Variants in RPL3 observed in about 807,000 individuals in gnomAD.
The protein encoded by RPL3 is ribosomal protein L3, also known as large ribosomal subunit protein uL3.
In RPL3, 3 loss-of-function variants were observed where a neutral mutation model predicts 46.0. The ratio of observed to expected loss-of-function variants is 0.07; its 90% CI spans 0.03 to 0.17. RPL3 has a LOEUF of 0.17. Ranked by LOEUF, RPL3 falls within the 10% of genes least tolerant of loss-of-function variation. The pLI, the probability that RPL3 is intolerant of heterozygous loss-of-function variation, is 1.00. For missense variants in RPL3, 387 were observed against 532.7 expected (o/e 0.73, Z 2.69); for synonymous variants, 224 against 190.8 (o/e 1.17, Z -1.43).
chr22:39,318,364 T>G (rs750686315), intron 2 of RPL3, 36 bp downstream of exon 2: 123 of 1,597,594 alleles, frequency 7.7e-5, no homozygotes, highest in Non-Finnish European at 1.0e-4. Context: ...CCCCCTCCAC[T>G]CCTATTCCCC....
intron 1 of RPL3, chr22:39,318,938 G>C (rs1387502548): frequency 2.0e-6 from 1 of 505,922 alleles, no homozygotes; most frequent in Non-Finnish European, 4.1e-6. Flanking sequence ...CTAAAGAAAG[G>C]GACTCCCGGG....
At chr22:39,314,633 CCCCAT>C in intron 6 of RPL3, 48 bp downstream of exon 6, 7 of 1,561,474 alleles carry the variant, frequency 4.5e-6, no homozygotes, top group Non-Finnish European at 6.1e-6. Flanking sequence ...AAACCCCACT[CCCCAT>C]CACGGGGGCC....
chr22:39,317,214 ACTC>A (rs1922758655), intron 3 of RPL3: 1 of 571,980 alleles, frequency 1.7e-6, no homozygotes. Flanking sequence ...TTCTAGTTGG[ACTC>A]CTCAACCAAC....
chr22:39,318,485 C>T lies in RPL3; in HGVS notation c.111G>A (p.Pro37=), dbSNP rs6509. The part of the protein sequence containing the change: ...GKVKSFPKDD[P]SKPVHLTAFL... ...AGGCTGTGAGGTGGACCGGCTTGGA[C>T]GGGTCATCCTTAGGGAAGCTCTTCA... The change falls in exon 2 of 10, where the codon CCG becomes CCA. Residue 37 remains proline, a synonymous_variant. Transcript: ENST00000216146. 736,918 of 1,613,294 alleles carry T rather than the reference C, an allele frequency of 0.46. 176,320 individuals carry two copies. Among genetic ancestry groups the T allele is most frequent in the Non-Finnish European group, 0.49 (583,592 of 1,179,684 alleles).
At position 39,318,439 on chromosome 22, in the gene RPL3, T is replaced by C. The variant is rs758711018; in HGVS notation, c.157A>G (p.Met53Val). ...LTAFLGYKAGMTHIVREVDRP... is the reference protein window; with the variant it reads ...LTAFLGYKAGVTHIVREVDRP... ...TCGACTTCCCGCACGATGTGAGTCA[T>C]GCCAGCCTTGTATCCCAGGAAGGCT... Residue 53 changes from methionine to valine, a missense_variant, in exon 2 of 10, where the codon ATG (methionine) becomes GTG (valine). Transcript: ENST00000216146. 3 of 1,614,086 alleles carry C rather than the reference T, an allele frequency of 1.9e-6. No individual in the cohort carries two copies. Among genetic ancestry groups the C allele is most frequent in the African/African-American group, 1.3e-5 (1 of 75,038 alleles).
At position 39,313,023 on chromosome 22, in the gene RPL3, C is replaced by G. The variant is rs920093399; in HGVS notation, c.1168-39G>C. The G allele has an allele frequency of 5.6e-6, 9 of 1,613,510 alleles. No individual in the cohort carries two copies. The African/African-American group carries it at 8.0e-5, about 14-fold the overall frequency. ...GGCAGTGGTCAGAGGTAGAAGATGACAGGTGACAGCAGATGCCCACTCTAG... is the reference window on the plus strand; with the variant it reads ...GGCAGTGGTCAGAGGTAGAAGATGAGAGGTGACAGCAGATGCCCACTCTAG... On this transcript the variant is annotated intron_variant, in intron 9 of 9. Transcript: ENST00000216146.
chr22:39,314,163 T>C lies in RPL3; in HGVS notation c.895A>G (p.Ile299Val). 6.2e-7 allele frequency: 1 copy of C among 1,613,668 alleles called. No homozygotes were observed. Among genetic ancestry groups the C allele is most frequent in the Non-Finnish European group, 8.5e-7 (1 of 1,180,028 alleles). ...TAGTCAGTGGAGGCATTGTTCTTGA[T>C]CAGCTTGCCGTCCTTGATAAGGTAG... ...QGYLIKDGKLIKNNASTDYDL... is the reference protein window; with the variant it reads ...QGYLIKDGKLVKNNASTDYDL... The change falls in exon 7 of 10, where the codon ATC becomes GTC. Residue 299 changes from isoleucine to valine, a missense_variant. Physicochemically the swap from Ile to Val is conservative, Grantham distance 29 (BLOSUM62 3). Transcript: ENST00000216146.
At chr22:39,313,118 C>G in intron 9 of RPL3, 73 bp downstream of exon 9, 1 of 1,597,780 alleles carries the variant, frequency 6.3e-7, no homozygotes, top group Non-Finnish European at 8.5e-7. Flanking sequence ...CCACCCCTAC[C>G]CCGGCTGGAG....
chr22:39,317,960 A>G (rs1922808007), intron 2 of RPL3: 1 of 372,080 alleles, frequency 2.7e-6, no homozygotes, highest in Non-Finnish European at 5.0e-6. Context: ...AGTCAGTATC[A>G]ACTGCCTAAC....
intron 2 of RPL3, chr22:39,317,966 C>T (rs1569162028): frequency 8.2e-6 from 3 of 363,640 alleles, no homozygotes; most frequent in Non-Finnish European, 1.5e-5. Flanking sequence ...TATCAACTGC[C>T]TAACATTAAT....
chr22:39,314,024 T>G, intron 7 of RPL3, 83 bp downstream of exon 7: 2 of 1,176,180 alleles, frequency 1.7e-6, no homozygotes, highest in Non-Finnish European at 2.6e-6. Flanking sequence ...TTAACGATCC[T>G]GCTAGCAGCC....
rs1031043166 is a variant in RPL3, at chr22:39,316,649, C to A, written c.501+57G>T. 12 of 1,609,080 alleles carry A rather than the reference C, an allele frequency of 7.5e-6. No individual in the cohort carries two copies. The African/African-American group carries it at 1.3e-4, about 18-fold the overall frequency. On this transcript the variant is annotated intron_variant, in intron 4 of 9. Coordinates refer to ENST00000216146, the MANE Select transcript of RPL3 (RefSeq NM_000967.4). ...CGTGCGGGCACGGGACCCCCATGAT[C>A]ACATAGGTCACTTCTACTAAGTGGC... is the stretch of plus-strand genomic sequence containing the variant.
chr22:39,317,171 T>C (rs987818236), intron 3 of RPL3: 3 of 567,410 alleles, frequency 5.3e-6, no homozygotes, highest in Non-Finnish European at 9.5e-6. Context: ...GCCACCCCTA[T>C]AGGGGTTTAA....
chr22:39,314,371 C>CT (rs1922548659), intron 6 of RPL3, 163 bp from the exon 7 acceptor site: 1 of 678,468 alleles, frequency 1.5e-6, no homozygotes, highest in African/African-American at 1.8e-5. Flanking sequence ...CTCCAGGTTC[C>CT]TTTCTGTAAG....
In RPL3 at chr22:39,316,855, G is replaced by A; in HGVS notation, c.366-14C>T. The stretch of plus-strand genomic sequence containing the variant: ...TTAGATTTATGCCTTCAGGAGCAGA[G>A]CAGAGTTGGGGAGGGGACCAGGTGC... On this transcript the variant is annotated splice_polypyrimidine_tract_variant and intron_variant, in intron 3 of 9. Transcript: ENST00000216146. The A allele has an allele frequency of 6.2e-7, 1 of 1,613,614 alleles. No individual in the cohort carries two copies. The highest frequency in any genetic ancestry group is 8.5e-7 in the Non-Finnish European group (1 of 1,180,026).
At chr22:39,314,304 G>A (rs1182449884) in intron 6 of RPL3, 96 bp from the exon 7 acceptor site, 4 of 1,057,458 alleles carry the variant, frequency 3.8e-6, no homozygotes, top group African/African-American at 1.6e-5. Flanking sequence ...GAAGGCAGCT[G>A]AGGCCTCAGT....
intron 3 of RPL3, 167 bp downstream of exon 3, chr22:39,317,294 G>A (rs758900480): frequency 2.3e-4 from 181 of 783,240 alleles, no homozygotes; most frequent in Non-Finnish European, 3.4e-4. Flanking sequence ...GCTGAAACCA[G>A]ATGGCTGGCC....
At chr22:39,318,924 A>G (rs769962053) in intron 1 of RPL3, 3 of 486,498 alleles carry the variant, frequency 6.2e-6, no homozygotes, top group African/African-American at 2.0e-5. Flanking sequence ...CAAGGTTTTG[A>G]CCGCTAAAGA....
At chr22:39,313,810 G>T in intron 7 of RPL3, 81 bp from the exon 8 acceptor site, 1 of 1,264,066 alleles carries the variant, frequency 7.9e-7, no homozygotes, top group Non-Finnish European at 1.2e-6. Context: ...GGCCCTCCCT[G>T]ACCACAGGGC....
Sources: gnomAD v4.1 joint callset for allele counts on GRCh38, gnomAD v4.1.1 for gene constraint, MANE v1.5 for transcripts, NCBI Gene and HGNC (gene_info 2026-07-23, HGNC 2026-07-21) for gene names.